Variants in CHST10 observed in about 807,000 individuals in gnomAD.
CHST10 encodes HNK-1 sulfotransferase.
In CHST10, 24 loss-of-function variants were observed where a neutral mutation model predicts 34.7. The ratio of observed to expected loss-of-function variants is 0.69; its 90% confidence interval spans 0.50 to 0.97. The LOEUF (loss-of-function observed/expected upper bound fraction) is 0.97, where lower values mean the gene tolerates loss of function less well. Ranked by LOEUF, CHST10 falls within the 50% of genes least tolerant of loss-of-function variation. The probability of loss-of-function intolerance (pLI) is 0.00; values close to 1 mark genes in which losing one functional copy is unlikely to be tolerated. For missense variants in CHST10, 402 were observed against 452.1 expected (o/e 0.89, Z 1.00); for synonymous variants, 161 against 169.3 (o/e 0.95, Z 0.38).
chr2:100,409,008 C>T (rs919082913), intron 2 of CHST10, among the ~76,000 whole-genome samples: 6 of 152,110 alleles, frequency 3.9e-5, no homozygotes, highest in Non-Finnish European at 8.8e-5. Flanking sequence ...TTGCAACCCA[C>T]CCTCTCCTAG....
chr2:100,393,206 A>G lies in CHST10; in HGVS notation c.*39T>C, dbSNP rs4149521. Reference sequence around the variant, plus strand: ...CTCAGATCTTCACCTGGTTAGCCCCAGGTCTAATAAAGATATTTGAATTCA... The same window carrying G: ...CTCAGATCTTCACCTGGTTAGCCCCGGGTCTAATAAAGATATTTGAATTCA... On this transcript the variant is annotated 3_prime_UTR_variant, in exon 7 of 7. Transcript: ENST00000264249. The G allele has an allele frequency of 2.0e-3, 3,262 of 1,594,994 alleles. 105 individuals are homozygous for G. The East Asian group carries it at 0.066, about 32-fold the overall frequency.
intron 4 of CHST10, among the ~76,000 whole-genome samples, chr2:100,401,610 T>C (rs573125551): frequency 1.3e-5 from 2 of 152,322 alleles, no homozygotes; most frequent in South Asian, 4.1e-4. Flanking sequence ...ATAAGATTTT[T>C]TGGTTTCGTT....
chr2:100,410,671 C>A (rs1274603183), intron 2 of CHST10, among the ~76,000 whole-genome samples: 1 of 152,122 alleles, frequency 6.6e-6, no homozygotes, highest in Non-Finnish European at 1.5e-5. Flanking sequence ...TGTTTAATAT[C>A]CATTAACTGA....
intron 4 of CHST10, among the ~76,000 whole-genome samples, chr2:100,399,267 C>A (rs974274762): frequency 6.6e-6 from 1 of 152,148 alleles, no homozygotes; most frequent in Non-Finnish European, 1.5e-5. Context: ...CCATGCCTGG[C>A]TAATTTTTTG....
intron 4 of CHST10, among the ~76,000 whole-genome samples, chr2:100,398,986 T>A (rs1675206174): frequency 1.3e-5 from 2 of 152,084 alleles, no homozygotes; most frequent in South Asian, 4.1e-4. Context: ...TCTGGAGGCA[T>A]CCTGAGGGCA....
intron 3 of CHST10, among the ~76,000 whole-genome samples, chr2:100,403,851 T>A (rs1249042834): frequency 2.6e-5 from 4 of 152,218 alleles, no homozygotes; most frequent in Non-Finnish European, 5.9e-5. Flanking sequence ...AAGCCCTTTA[T>A]GGCCACGAGC....
chr2:100,403,538 G>C (rs1016447165), intron 3 of CHST10, among the ~76,000 whole-genome samples: 5 of 152,164 alleles, frequency 3.3e-5, no homozygotes, highest in Non-Finnish European at 7.3e-5. Context: ...AGCAACTCAC[G>C]ACAACCATGC....
intron 4 of CHST10, among the ~76,000 whole-genome samples, chr2:100,399,396 C>G (rs191373402): frequency 1.3e-5 from 2 of 152,146 alleles, no homozygotes; most frequent in Admixed American, 1.3e-4. Flanking sequence ...TAAGCCACCA[C>G]GCCCGGCCAT....
intron 1 of CHST10, chr2:100,416,895 G>C: frequency 8.6e-7 from 1 of 1,156,454 alleles, no homozygotes; most frequent in Non-Finnish European, 1.2e-6. Context: ...TCCAACTTCG[G>C]ACAGGCCTCC....
At chr2:100,413,933 C>T (rs1017476097) in intron 2 of CHST10, among the ~76,000 whole-genome samples, 8 of 152,162 alleles carry the variant, frequency 5.3e-5, no homozygotes, top group African/African-American at 1.9e-4. Flanking sequence ...CCAAAGCCCT[C>T]CTCTGAGCCG....
chr2:100,406,438 G>A, intron 3 of CHST10, 138 bp downstream of exon 3: 5 of 1,057,778 alleles, frequency 4.7e-6, no homozygotes, highest in Non-Finnish European at 6.9e-6. Flanking sequence ...AAGGAACGGA[G>A]GCCATGACCT....
intron 5 of CHST10, among the ~76,000 whole-genome samples, chr2:100,397,292 G>A (rs1306737847): frequency 6.6e-6 from 1 of 152,224 alleles, no homozygotes; most frequent in East Asian, 1.9e-4. Context: ...AGTGTATGAG[G>A]TTACTTTGTG....
chr2:100,393,284 C>T lies in CHST10; in HGVS notation c.1032G>A (p.Lys344=). ...AGTCTGGTTTCTGGTACCCAAAGAG[C>T]TTAAAGTCCCCTTCGAAACGGGCAT... ...RLYARFEGDF[K]LFGYQKPDFL... The change falls in exon 7 of 7, where the codon AAG becomes AAA. Residue 344 remains lysine, a synonymous_variant. Transcript: ENST00000264249. The T allele has an allele frequency of 1.2e-6, 2 of 1,614,192 alleles. No individual in the cohort carries two copies. Among genetic ancestry groups the T allele is most frequent in the Non-Finnish European group, 1.7e-6 (2 of 1,180,038 alleles).
intron 5 of CHST10, among the ~76,000 whole-genome samples, chr2:100,396,473 G>C (rs1440009091): frequency 6.6e-6 from 1 of 152,216 alleles, no homozygotes; most frequent in Non-Finnish European, 1.5e-5. Context: ...TAATCCGGTA[G>C]GGTTAAGATT....
At position 100,393,124 on chromosome 2, in the gene CHST10, G is replaced by T; in HGVS notation, c.*121C>A. The T allele has an allele frequency of 1.9e-6, 2 of 1,049,454 alleles. No homozygotes were observed. Among genetic ancestry groups the T allele is most frequent in the East Asian group, 2.4e-5 (1 of 41,036 alleles). 65.0% of individuals were successfully genotyped at this position (1,049,454 alleles called of 1,614,324 possible). A position where few individuals can be genotyped will look rare whatever the true frequency, so the allele number is the denominator to read the frequency against. ...ATGCCGAGGCAACTCACAGGCCTGT[G>T]GGAGACCCCGGGCGTCCTCAAAGGA... On this transcript the variant is annotated 3_prime_UTR_variant, in exon 7 of 7. Transcript: ENST00000264249.
intron 4 of CHST10, among the ~76,000 whole-genome samples, chr2:100,399,202 C>T (rs926830616): frequency 6.6e-6 from 1 of 152,070 alleles, no homozygotes; most frequent in Admixed American, 6.5e-5. Context: ...CTCCCGGGTT[C>T]CCGCCATTCT....
intron 2 of CHST10, among the ~76,000 whole-genome samples, chr2:100,413,046 C>T (rs1202141168): frequency 6.6e-6 from 1 of 152,214 alleles, no homozygotes; most frequent in Non-Finnish European, 1.5e-5. Flanking sequence ...TGGGGTTTGC[C>T]TCCTATCTGA....
chr2:100,417,634 G>A lies in CHST10; in HGVS notation c.-364C>T, dbSNP rs1676125548. On this transcript the variant is annotated 5_prime_UTR_variant, in exon 1 of 7. Coordinates refer to ENST00000264249, the MANE Select transcript of CHST10 (RefSeq NM_004854.5). ...CAGAACGCCGGCACCGCCTCACGCG[G>A]CCCCCTCGCGCCTATCCGGCCGTGC... 2 of 150,822 alleles carry A rather than the reference G, an allele frequency of 1.3e-5. No individual in the cohort carries two copies. The highest frequency in any genetic ancestry group is 1.5e-5 in the Non-Finnish European group (1 of 67,570). The allele number at this position is 150,822 out of a possible 1,614,324, so 9.3% of individuals were successfully genotyped here. A position where few individuals can be genotyped will look rare whatever the true frequency, so the allele number is the denominator to read the frequency against.
At position 100,393,149 on chromosome 2, in the gene CHST10, A is replaced by C; in HGVS notation, c.*96T>G. 7.4e-7 allele frequency: 1 copy of C among 1,354,674 alleles called. No homozygotes were observed. Among genetic ancestry groups the C allele is most frequent in the Non-Finnish European group, 1.0e-6 (1 of 975,300 alleles). The allele number at this position is 1,354,674 out of a possible 1,614,324, so 83.9% of individuals were successfully genotyped here. A position where few individuals can be genotyped will look rare whatever the true frequency, so the allele number is the denominator to read the frequency against. On this transcript the variant is annotated 3_prime_UTR_variant, in exon 7 of 7. Coordinates refer to ENST00000264249, the MANE Select transcript of CHST10 (RefSeq NM_004854.5). The stretch of plus-strand genomic sequence containing the variant: ...GGGAGACCCCGGGCGTCCTCAAAGG[A>C]GGGGTGTGGTGGAGGAAGGGTCATT...
Sources: gnomAD v4.1 joint callset for allele counts (sites outside exome capture counted in the v4.1 genomes callset) on GRCh38, gnomAD v4.1.1 for gene constraint, MANE v1.5 for transcripts, NCBI Gene and HGNC (gene_info 2026-07-23, HGNC 2026-07-21) for gene names.